The following TEX36 variants were observed in gnomAD, a reference collection of about 807,000 sequenced individuals.
TEX36 encodes the protein testis-expressed protein 36.
A neutral mutation model predicts 13.6 loss-of-function variants in TEX36; 12 were observed. The ratio of observed to expected loss-of-function variants is 0.88; its 90% CI spans 0.56 to 1.43. TEX36 has a LOEUF of 1.43. TEX36 is among the 40% of genes most tolerant of loss of function. The pLI is 0.00. For missense variants in TEX36, 224 were observed against 228.3 expected (o/e 0.98, Z 0.12); for synonymous variants, 93 against 83.0 (o/e 1.12, Z -0.65).
chr10:125,673,846 C>T (rs778608678), intron 1 of TEX36, among the ~76,000 whole-genome samples: 1 of 151,916 alleles, frequency 6.6e-6, no homozygotes, highest in African/African-American at 2.4e-5. Context: ...TTCTGGCTGA[C>T]CTTAACATTT....
chr10:125,662,067 T>C (rs1847054507), intron 1 of TEX36, 90 bp from the exon 2 acceptor site: 1 of 1,490,712 alleles, frequency 6.7e-7, no homozygotes, highest in Admixed American at 2.4e-5. Flanking sequence ...GTGATTAAAA[T>C]GCAATTTGGG....
chr10:125,632,770 A>G (rs557997522), intron 3 of TEX36, among the ~76,000 whole-genome samples: 3 of 152,128 alleles, frequency 2.0e-5, no homozygotes, highest in Non-Finnish European at 2.9e-5. Context: ...TCCCCTCCCA[A>G]TGGACAGCCA....
intron 1 of TEX36, among the ~76,000 whole-genome samples, chr10:125,673,965 C>T (rs2133609821): frequency 6.6e-6 from 1 of 152,114 alleles, no homozygotes; most frequent in South Asian, 2.1e-4. Flanking sequence ...TGAATGTTGA[C>T]CTGTCTTTTT....
intron 3 of TEX36, among the ~76,000 whole-genome samples, chr10:125,611,560 T>C (rs1846290092): frequency 6.6e-6 from 1 of 152,206 alleles, no homozygotes; most frequent in South Asian, 2.1e-4. Context: ...ATTTTTTCAG[T>C]AGGTGCAGGT....
intron 1 of TEX36, among the ~76,000 whole-genome samples, chr10:125,676,731 G>A (rs1238398829): frequency 6.6e-6 from 1 of 151,716 alleles, no homozygotes; most frequent in Non-Finnish European, 1.5e-5. Flanking sequence ...ATTGTGGTTC[G>A]GTGGATTTCT....
At chr10:125,656,714 C>T (rs1846950152) in intron 3 of TEX36, among the ~76,000 whole-genome samples, 1 of 152,096 alleles carries the variant, frequency 6.6e-6, no homozygotes, top group South Asian at 2.1e-4. Context: ...TGTTATTGTC[C>T]TCACAGTCTT....
chr10:125,605,454 GTGC>G (rs1846204505), intron 3 of TEX36, among the ~76,000 whole-genome samples: 1 of 152,132 alleles, frequency 6.6e-6, no homozygotes, highest in African/African-American at 2.4e-5. Context: ...ACACAGCATA[GTGC>G]AGCAATGTGG....
At chr10:125,589,313 C>T (rs1014807490) in intron 3 of TEX36, among the ~76,000 whole-genome samples, 1 of 152,186 alleles carries the variant, frequency 6.6e-6, no homozygotes, top group Non-Finnish European at 1.5e-5. Context: ...ATAATTACCA[C>T]CCGTATCTCC....
At chr10:125,597,483 G>C (rs1371916631) in intron 3 of TEX36, among the ~76,000 whole-genome samples, 1 of 152,180 alleles carries the variant, frequency 6.6e-6, no homozygotes, top group Non-Finnish European at 1.5e-5. Context: ...CTAATGGTAG[G>C]GTTACATTTC....
At position 125,577,181 on chromosome 10, in the gene TEX36, G is replaced by T. The variant is rs372431674; in HGVS notation, c.265-307C>A. ...AAGGAAGTTTTCCAGGAGGTCTCAG[G>T]TGCTCTTCTGCATGGACAAAACAGT... On this transcript the variant is annotated intron_variant, in intron 3 of 3. Coordinates refer to the TEX36 transcript ENST00000532135. 5.9e-5 allele frequency among the ~76,000 whole-genome samples: 9 copies of T among 152,256 alleles called. 1 individual carries two copies. The highest frequency in any genetic ancestry group is 1.7e-4 in the African/African-American group (7 of 41,546).
intron 3 of TEX36, among the ~76,000 whole-genome samples, chr10:125,598,744 C>T (rs1846109913): frequency 1.3e-5 from 2 of 152,214 alleles, no homozygotes; most frequent in Admixed American, 1.3e-4. Context: ...CAGGCAAGTC[C>T]TGTTTAATCA....
At chr10:125,647,716 C>G (rs538324171) in intron 3 of TEX36, among the ~76,000 whole-genome samples, 154 of 151,356 alleles carry the variant, frequency 1.0e-3, no homozygotes, top group Non-Finnish European at 1.5e-3. Flanking sequence ...ATTGCCTCAC[C>G]CAGGAAGCAC....
chr10:125,616,081 G>T (rs1057414106), intron 3 of TEX36, among the ~76,000 whole-genome samples: 1 of 152,126 alleles, frequency 6.6e-6, no homozygotes, highest in African/African-American at 2.4e-5. Flanking sequence ...AGAGGTGTTT[G>T]TAGTATTCTC....
chr10:125,595,768 T>C (rs1261117859), intron 3 of TEX36, among the ~76,000 whole-genome samples: 11 of 152,214 alleles, frequency 7.2e-5, no homozygotes, highest in Admixed American at 3.3e-4. Context: ...TACCACTTTG[T>C]CTAGGATGGC....
Position 125,677,338 on chromosome 10 carries a change from T to G in TEX36, c.51+5601A>C, listed in dbSNP as rs1268367595. Among the ~76,000 whole-genome samples, 5 of 152,212 alleles carry G rather than the reference T, an allele frequency of 3.3e-5. No individual in the cohort carries two copies. The South Asian group carries it at 1.0e-3, about 32-fold the overall frequency. On this transcript the variant is annotated intron_variant, in intron 1 of 3. Coordinates refer to ENST00000368821, the MANE Select transcript of TEX36 (RefSeq NM_001128202.3). Reference sequence around the variant, plus strand: ...TTTTCTCTGGAGGATCCTGATAACTTAAATGTTTGATCACTTTATGTTATC... The same window carrying G: ...TTTTCTCTGGAGGATCCTGATAACTGAAATGTTTGATCACTTTATGTTATC...
chr10:125,597,313 T>A (rs1302983032), intron 3 of TEX36, among the ~76,000 whole-genome samples: 1 of 152,126 alleles, frequency 6.6e-6, no homozygotes, highest in Non-Finnish European at 1.5e-5. Flanking sequence ...GTTACCAAGC[T>A]GTACTTGGGT....
chr10:125,583,127 A>T (rs1321217178), intron 3 of TEX36, among the ~76,000 whole-genome samples: 1 of 152,242 alleles, frequency 6.6e-6, no homozygotes, highest in African/African-American at 2.4e-5. Context: ...ACTAGCACAA[A>T]TCTGACAATC....
chr10:125,637,582 G>A (rs749259847), intron 3 of TEX36, among the ~76,000 whole-genome samples: 19 of 152,072 alleles, frequency 1.2e-4, no homozygotes, highest in African/African-American at 1.9e-4. Context: ...CTGATTTCAC[G>A]TCTTTTAGAT....
chr10:125,652,953 G>C (rs1414365675), downstream of TEX36, among the ~76,000 whole-genome samples: 3 of 152,180 alleles, frequency 2.0e-5, no homozygotes, highest in African/African-American at 7.2e-5. Flanking sequence ...TCTCACACCA[G>C]TTAAAATGGC....
Sources: gnomAD v4.1 joint callset for allele counts (sites outside exome capture counted in the v4.1 genomes callset) on GRCh38, gnomAD v4.1.1 for gene constraint, MANE v1.5 for transcripts, NCBI Gene and HGNC (gene_info 2026-07-23, HGNC 2026-07-21) for gene names.